The following ADARB2 variants were observed in gnomAD, a reference collection of about 807,000 sequenced individuals.
ADARB2 encodes adenosine deaminase RNA specific B2 (inactive).
A neutral mutation model predicts 62.2 loss-of-function variants in ADARB2; 25 were observed. That is an observed-to-expected ratio of 0.40 (90% CI 0.29 to 0.56). ADARB2 has a LOEUF of 0.56. Among genes scored for constraint, ADARB2 ranks in the 20% least tolerant of loss-of-function variants. ADARB2 has a pLI of 0.43. For missense variants in ADARB2, 1,071 were observed against 1,077.4 expected (o/e 0.99, Z 0.08); for synonymous variants, 572 against 500.8 (o/e 1.14, Z -1.90).
At chr10:1,519,199 A>G (rs1380566207) in intron 1 of ADARB2, among the ~76,000 whole-genome samples, 2 of 136,730 alleles carry the variant, frequency 1.5e-5, no homozygotes, top group African/African-American at 5.6e-5. Context: ...TCATACGCCT[A>G]TATTCCATGT....
At chr10:1,253,799 G>A (rs1165078823) in intron 4 of ADARB2, among the ~76,000 whole-genome samples, 1 of 152,220 alleles carries the variant, frequency 6.6e-6, no homozygotes, top group Non-Finnish European at 1.5e-5. Context: ...CACTGGCCAC[G>A]TAAAGGAGGA....
chr10:1,624,729 G>A (rs1420954426), intron 1 of ADARB2, among the ~76,000 whole-genome samples: 1 of 152,140 alleles, frequency 6.6e-6, no homozygotes, highest in African/African-American at 2.4e-5. Flanking sequence ...CTACTTGACA[G>A]CATAATTACT....
intron 1 of ADARB2, among the ~76,000 whole-genome samples, chr10:1,524,499 A>G (rs1266291256): frequency 1.3e-5 from 2 of 152,234 alleles, no homozygotes; most frequent in Admixed American, 1.3e-4. Context: ...TAATGGGTCA[A>G]TCAGCAAGAA....
At chr10:1,362,968 C>T (rs1379995271) in intron 3 of ADARB2, 60 bp downstream of exon 3, 5 of 1,260,158 alleles carry the variant, frequency 4.0e-6, no homozygotes, top group South Asian at 2.6e-5. Context: ...AGGGAAAGGT[C>T]GGGGTCTCCC....
intron 7 of ADARB2, among the ~76,000 whole-genome samples, chr10:1,202,832 C>T (rs1837004891): frequency 6.6e-6 from 1 of 152,228 alleles, no homozygotes; most frequent in African/African-American, 2.4e-5. Context: ...GGAAGAGACG[C>T]CTCCGTGTTA....
intron 1 of ADARB2, among the ~76,000 whole-genome samples, chr10:1,647,979 A>C (rs1413775953): frequency 6.6e-6 from 1 of 152,154 alleles, no homozygotes; most frequent in African/African-American, 2.4e-5. Flanking sequence ...ATGCCATTAA[A>C]CTGGTGTGAT....
At chr10:1,517,132 A>C (rs1832017859) in intron 1 of ADARB2, among the ~76,000 whole-genome samples, 1 of 152,038 alleles carries the variant, frequency 6.6e-6, no homozygotes. Flanking sequence ...CTGCACCGAG[A>C]GTGTGAGAGA....
At chr10:1,440,582 T>C (rs1189834341) in intron 1 of ADARB2, among the ~76,000 whole-genome samples, 2 of 152,242 alleles carry the variant, frequency 1.3e-5, no homozygotes, top group Non-Finnish European at 2.9e-5. Flanking sequence ...ATTTTAATTC[T>C]TAGTTTTGCA....
At chr10:1,234,604 C>T (rs774279165) in intron 5 of ADARB2, among the ~76,000 whole-genome samples, 1 of 151,948 alleles carries the variant, frequency 6.6e-6, no homozygotes, top group African/African-American at 2.4e-5. Context: ...CCATGCGAGG[C>T]TAATTTATTT....
At chr10:1,516,347 C>T (rs572834691) in intron 1 of ADARB2, among the ~76,000 whole-genome samples, 1 of 152,338 alleles carries the variant, frequency 6.6e-6, no homozygotes, top group South Asian at 2.1e-4. Flanking sequence ...GCAACAGAGG[C>T]GGCTTTCCCT....
chr10:1,331,567 G>A (rs760554571), intron 3 of ADARB2, among the ~76,000 whole-genome samples: 2 of 152,214 alleles, frequency 1.3e-5, no homozygotes, highest in Non-Finnish European at 2.9e-5. Context: ...AAAGATCAGT[G>A]GTTGCTAGGG....
intron 1 of ADARB2, among the ~76,000 whole-genome samples, chr10:1,620,624 G>T (rs1355475351): frequency 6.6e-6 from 1 of 152,208 alleles, no homozygotes; most frequent in Non-Finnish European, 1.5e-5. Flanking sequence ...CATTCATTCA[G>T]TTGTTCTAAT....
intron 1 of ADARB2, among the ~76,000 whole-genome samples, chr10:1,463,068 T>C (rs1831199629): frequency 1.3e-5 from 2 of 152,132 alleles, no homozygotes; most frequent in African/African-American, 4.8e-5. Flanking sequence ...CATTTAGGGA[T>C]GCCTAAGTGA....
At chr10:1,567,843 G>GCCT (rs1832877836) in intron 1 of ADARB2, among the ~76,000 whole-genome samples, 1 of 152,238 alleles carries the variant, frequency 6.6e-6, no homozygotes, top group Admixed American at 6.5e-5. Context: ...ATGGTTATGT[G>GCCT]CCTCACTCGA....
rs1272327516 is a variant in ADARB2 at position 1,180,455 on chromosome 10, T to C, written c.*2738A>G. 1 of 152,660 alleles carries C rather than the reference T, an allele frequency of 6.6e-6. No individual in the cohort carries two copies. The highest frequency in any genetic ancestry group is 1.5e-5 in the Non-Finnish European group (1 of 68,420). The allele number at this position is 152,660 out of a possible 1,614,324, so 9.5% of individuals were successfully genotyped here. A position where few individuals can be genotyped will look rare whatever the true frequency, so the allele number is the denominator to read the frequency against. On this transcript the variant is annotated 3_prime_UTR_variant, in exon 10 of 10. Coordinates refer to ENST00000381312, the MANE Select transcript of ADARB2 (RefSeq NM_018702.4). ...GGCACACCTGGGGCTGTGGGAATCC[T>C]GGGACCTGGCCCCTTCGGGCACTCC...
chr10:1,229,846 G>A (rs558914831), intron 6 of ADARB2, among the ~76,000 whole-genome samples: 73 of 100,922 alleles, frequency 7.2e-4, no homozygotes, highest in African/African-American at 2.8e-3. Context: ...ATGTGCTTAC[G>A]TGTGTGTGTG....
chr10:1,550,779 C>A, intron 1 of ADARB2, among the ~76,000 whole-genome samples: 1 of 151,662 alleles, frequency 6.6e-6, no homozygotes. Context: ...AGTGCTTAGT[C>A]ATTTGGCAAG....
At chr10:1,505,880 C>T (rs1831840610) in intron 1 of ADARB2, among the ~76,000 whole-genome samples, 1 of 152,232 alleles carries the variant, frequency 6.6e-6, no homozygotes, top group Non-Finnish European at 1.5e-5. Flanking sequence ...TGAGTGAGTG[C>T]ATGACATCTC....
chr10:1,352,086 G>C (rs1832148586), intron 3 of ADARB2, among the ~76,000 whole-genome samples: 1 of 151,898 alleles, frequency 6.6e-6, no homozygotes, highest in Non-Finnish European at 1.5e-5. Flanking sequence ...TACCTGGGCT[G>C]TACTGCCGCA....
Sources: gnomAD v4.1 joint callset for allele counts (sites outside exome capture counted in the v4.1 genomes callset) on GRCh38, gnomAD v4.1.1 for gene constraint, MANE v1.5 for transcripts, NCBI Gene and HGNC (gene_info 2026-07-23, HGNC 2026-07-21) for gene names.